CHSY3: variants seen among roughly 807,000 people sequenced by gnomAD.
The protein encoded by CHSY3 is chondroitin sulfate synthase 3, also known as N-acetylgalactosaminyl-proteoglycan 3-beta-glucuronosyltransferase 3.
CHSY3 carries 35 observed loss-of-function variants against 67.2 expected under a neutral mutation model. The ratio of observed to expected loss-of-function variants is 0.52; its 90% CI spans 0.40 to 0.69. The LOEUF (loss-of-function observed/expected upper bound fraction) is 0.69, where lower values mean the gene tolerates loss of function less well. Among genes scored for constraint, CHSY3 ranks in the 30% least tolerant of loss-of-function variants. The pLI is 0.00. For synonymous variants in CHSY3, 474 were observed against 434.7 expected (o/e 1.09, Z -1.12); for missense variants, 1,069 against 1,138.5 (o/e 0.94, Z 0.88).
At position 129,905,237 on chromosome 5, in the gene CHSY3, G is replaced by A; in HGVS notation, c.408G>A (p.Glu136=). The A allele has an allele frequency of 6.8e-7, 1 of 1,479,526 alleles. No individual in the cohort carries two copies. Among genetic ancestry groups the A allele is most frequent in the Non-Finnish European group, 8.9e-7 (1 of 1,122,576 alleles). The allele number at this position is 1,479,526 out of a possible 1,614,324, so 91.6% of individuals were successfully genotyped here. Residue 136 remains glutamate, a synonymous_variant, in exon 1 of 3, where the codon GAG becomes GAA. Coordinates refer to ENST00000305031, the MANE Select transcript of CHSY3 (RefSeq NM_175856.5). ...CAGCGGCCGAGGGGGAGCCCGAGGA[G>A]GAGGACGGGGGCGCGGCTGGGCAGC... ...GAPAAEGEPE[E]EDGGAAGQRR...
At chr5:130,085,518 T>C (rs1380809671) in intron 2 of CHSY3, among the ~76,000 whole-genome samples, 1 of 152,098 alleles carries the variant, frequency 6.6e-6, no homozygotes, top group African/African-American at 2.4e-5. Flanking sequence ...TTATTAGTCT[T>C]GCTAGCTGTC....
intron 2 of CHSY3, among the ~76,000 whole-genome samples, chr5:130,160,629 G>C (rs1385039852): frequency 6.6e-6 from 1 of 152,202 alleles, no homozygotes; most frequent in Non-Finnish European, 1.5e-5. Context: ...CAGAGGGGAA[G>C]AGTCTTTCTC....
intron 2 of CHSY3, among the ~76,000 whole-genome samples, chr5:129,968,988 C>CT (rs992327665): frequency 4.0e-5 from 6 of 151,704 alleles, no homozygotes; most frequent in Middle Eastern, 3.2e-3. Flanking sequence ...TTTTTCTGAC[C>CT]TTTTAGCTAG....
chr5:129,915,841 G>A (rs1343766177), intron 2 of CHSY3, among the ~76,000 whole-genome samples: 1 of 152,076 alleles, frequency 6.6e-6, no homozygotes, highest in Non-Finnish European at 1.5e-5. Flanking sequence ...TGTTTTCCTG[G>A]CATGAAAGAG....
At chr5:130,117,373 G>A (rs1291778192) in intron 2 of CHSY3, among the ~76,000 whole-genome samples, 1 of 152,224 alleles carries the variant, frequency 6.6e-6, no homozygotes, top group African/African-American at 2.4e-5. Flanking sequence ...TATAGCCAGT[G>A]AAAATGAAGC....
intron 2 of CHSY3, among the ~76,000 whole-genome samples, chr5:129,998,523 G>A (rs368834276): frequency 6.6e-6 from 1 of 152,030 alleles, no homozygotes; most frequent in Non-Finnish European, 1.5e-5. Flanking sequence ...TGGATAAAGG[G>A]TTTATGCTTT....
At chr5:130,113,122 G>A (rs67980738) in intron 2 of CHSY3, among the ~76,000 whole-genome samples, 21 of 125,078 alleles carry the variant, frequency 1.7e-4, no homozygotes, top group African/African-American at 5.8e-4. Flanking sequence ...GTGTGTGTGT[G>A]TATATATATT....
chr5:130,055,081 G>A lies in CHSY3; in HGVS notation c.1087-129148G>A, dbSNP rs1765486743. Among the ~76,000 whole-genome samples, 4 of 152,122 alleles carry A rather than the reference G, an allele frequency of 2.6e-5. No homozygotes were observed. The South Asian group carries it at 8.3e-4, about 32-fold the overall frequency. On this transcript the variant is annotated intron_variant, in intron 2 of 2. Coordinates refer to ENST00000305031, the MANE Select transcript of CHSY3 (RefSeq NM_175856.5). ...TCTTCACCCTGTGGGGAGTGTGTCT[G>A]GCTGTGGGTCTCTGTCTTCTGATAC... is the stretch of plus-strand genomic sequence containing the variant.
chr5:129,980,571 A>G (rs1762952211), intron 2 of CHSY3, among the ~76,000 whole-genome samples: 1 of 152,158 alleles, frequency 6.6e-6, no homozygotes, highest in Admixed American at 6.5e-5. Context: ...GTGACTTGTC[A>G]TCTCATTTTC....
At chr5:130,039,170 G>A (rs2149664324) in intron 2 of CHSY3, among the ~76,000 whole-genome samples, 1 of 152,160 alleles carries the variant, frequency 6.6e-6, no homozygotes, top group African/African-American at 2.4e-5. Context: ...GGACTTTAGA[G>A]TCATTTAGAG....
At chr5:130,025,190 G>C (rs1283258561) in intron 2 of CHSY3, among the ~76,000 whole-genome samples, 4 of 152,160 alleles carry the variant, frequency 2.6e-5, no homozygotes, top group East Asian at 3.9e-4. Flanking sequence ...CTTTGTATGA[G>C]AGAGAGTGGT....
chr5:129,932,894 G>A (rs1220524006), intron 2 of CHSY3, among the ~76,000 whole-genome samples: 1 of 148,700 alleles, frequency 6.7e-6, no homozygotes, highest in Non-Finnish European at 1.5e-5. Context: ...AAGAAATAAA[G>A]GAATGTTGAC....
intron 2 of CHSY3, among the ~76,000 whole-genome samples, chr5:130,024,723 A>G (rs1184287294): frequency 6.6e-6 from 1 of 152,216 alleles, no homozygotes; most frequent in African/African-American, 2.4e-5. Flanking sequence ...AAAATTGGAC[A>G]AAACATTGAA....
At chr5:130,007,568 C>G (rs1272426940) in intron 2 of CHSY3, among the ~76,000 whole-genome samples, 1 of 152,156 alleles carries the variant, frequency 6.6e-6, no homozygotes, top group Non-Finnish European at 1.5e-5. Flanking sequence ...ACATTTGCCA[C>G]AGACCTCCAG....
At chr5:129,928,704 T>C (rs1761198532) in intron 2 of CHSY3, among the ~76,000 whole-genome samples, 1 of 152,130 alleles carries the variant, frequency 6.6e-6, no homozygotes, top group Non-Finnish European at 1.5e-5. Flanking sequence ...TGATGAACAA[T>C]AATCTAAATG....
chr5:130,143,756 ATGTGTGTGTGTGTATATATATATATGTG>A lies in CHSY3; in HGVS notation c.1087-40471_1087-40444del, dbSNP rs1580777500. 8.8e-4 allele frequency among the ~76,000 whole-genome samples: 90 copies of A among 101,844 alleles called. 3 individuals are homozygous for A. The highest frequency in any genetic ancestry group is 7.1e-3 in the South Asian group (18 of 2,524). The allele number at this position is 101,844 out of a possible 152,430, so 66.8% of individuals were successfully genotyped here. ...TGTGTATATATATATATATATATAT[ATGTGTGTGTGTGTATATATATATATGTG>A]TATATATATATATATATATATGTGT... On this transcript the variant is annotated intron_variant, in intron 2 of 2. Transcript: ENST00000305031.
chr5:130,165,615 A>G (rs1769723483), intron 2 of CHSY3, among the ~76,000 whole-genome samples: 1 of 150,802 alleles, frequency 6.6e-6, no homozygotes, highest in Non-Finnish European at 1.5e-5. Context: ...AGTTTATGGT[A>G]TTTTTTTTTC....
intron 2 of CHSY3, among the ~76,000 whole-genome samples, chr5:129,947,419 T>C (rs1235291089): frequency 6.6e-6 from 1 of 150,668 alleles, no homozygotes; most frequent in African/African-American, 2.4e-5. Context: ...GGCCCAGGAG[T>C]TCAAGACTAG....
chr5:130,182,950 T>C (rs528584584), intron 2 of CHSY3, among the ~76,000 whole-genome samples: 31 of 142,916 alleles, frequency 2.2e-4, no homozygotes, highest in African/African-American at 8.5e-4. Context: ...ATTAATTGAG[T>C]TTTTTTTTTG....
Sources: allele counts gnomAD v4.1 joint callset (sites outside exome capture counted in the v4.1 genomes callset), GRCh38; gene constraint gnomAD v4.1.1; transcripts MANE v1.5; gene names NCBI Gene and HGNC (gene_info 2026-07-23, HGNC 2026-07-21).